FHIT: variants seen among roughly 807,000 people sequenced by gnomAD.
FHIT encodes fragile histidine triad diadenosine triphosphatase.
A neutral mutation model predicts 17.9 loss-of-function variants in FHIT; 19 were observed. That is an observed-to-expected ratio of 1.06 (90% CI 0.74 to 1.56). The LOEUF (loss-of-function observed/expected upper bound fraction) is 1.56. FHIT is among the 40% of genes most tolerant of loss of function. The probability of loss-of-function intolerance (pLI) is 0.00; values close to 1 mark genes in which losing one functional copy is unlikely to be tolerated. For synonymous variants in FHIT, 81 were observed against 69.7 expected, an observed-to-expected ratio of 1.16 and a Z score of -0.81; for missense variants, 248 against 189.2, an observed-to-expected ratio of 1.31 and a Z score of -1.82.
chr3:59,815,411 G>GA (rs977931063), intron 8 of FHIT, among the ~76,000 whole-genome samples: 9 of 151,778 alleles, frequency 5.9e-5, no homozygotes, highest in East Asian at 3.9e-4. Context: ...GTCATTATAT[G>GA]AAAAAAAATA....
chr3:60,032,422 A>T (rs1286932965), intron 5 of FHIT, among the ~76,000 whole-genome samples: 1 of 151,914 alleles, frequency 6.6e-6, no homozygotes, highest in Admixed American at 6.6e-5. Flanking sequence ...ACTGCACTCC[A>T]GCCTAGGTGA....
intron 4 of FHIT, among the ~76,000 whole-genome samples, chr3:60,669,476 G>C (rs1180880678): frequency 5.9e-5 from 9 of 152,194 alleles, no homozygotes; most frequent in African/African-American, 2.2e-4. Flanking sequence ...CCCGCTTCTA[G>C]CTTAAAACCT....
chr3:60,493,272 T>C (rs1433852865), intron 5 of FHIT, among the ~76,000 whole-genome samples: 1 of 152,186 alleles, frequency 6.6e-6, no homozygotes, highest in Non-Finnish European at 1.5e-5. Context: ...CTTTCAACAA[T>C]GCTTAAATCT....
chr3:60,722,471 T>C (rs2041827982), intron 4 of FHIT, among the ~76,000 whole-genome samples: 1 of 152,180 alleles, frequency 6.6e-6, no homozygotes, highest in South Asian at 2.1e-4. Flanking sequence ...GCACTATAAA[T>C]ATTCTCTAAG....
intron 7 of FHIT, among the ~76,000 whole-genome samples, chr3:59,946,836 T>C (rs1165804977): frequency 1.3e-5 from 2 of 152,162 alleles, no homozygotes; most frequent in Admixed American, 6.5e-5. Context: ...ATATATTGAG[T>C]CAACCTTGCA....
chr3:60,081,766 A>G (rs765230937), intron 5 of FHIT, among the ~76,000 whole-genome samples: 2 of 152,104 alleles, frequency 1.3e-5, no homozygotes, highest in Non-Finnish European at 2.9e-5. Context: ...AGAGATATAT[A>G]CAGGACCCTA....
chr3:60,661,410 T>C (rs1182102044), intron 4 of FHIT, among the ~76,000 whole-genome samples: 3 of 152,228 alleles, frequency 2.0e-5, no homozygotes, highest in Non-Finnish European at 2.9e-5. Context: ...TGAATAGTAT[T>C]CCATGGTATA....
chr3:60,793,367 A>G (rs1344090392), intron 4 of FHIT, among the ~76,000 whole-genome samples: 3 of 151,734 alleles, frequency 2.0e-5, no homozygotes, highest in African/African-American at 4.8e-5. Context: ...AGTGGGCAAG[A>G]TCTCAGCTCA....
At chr3:60,892,491 AGT>A (rs1189789658) in intron 3 of FHIT, among the ~76,000 whole-genome samples, 1 of 152,102 alleles carries the variant, frequency 6.6e-6, no homozygotes, top group African/African-American at 2.4e-5. Flanking sequence ...TGTATATTAG[AGT>A]GTATATTAGA....
At chr3:59,764,670 T>G (rs1683343) in intron 8 of FHIT, among the ~76,000 whole-genome samples, 150,386 of 152,254 alleles carry the variant, frequency 0.99, 74,298 homozygotes, top group Middle Eastern at 1. Context: ...CTTGAATGCA[T>G]CTGAAACGCT....
At chr3:60,129,053 GTTTTT>G in intron 5 of FHIT, among the ~76,000 whole-genome samples, 1 of 123,482 alleles carries the variant, frequency 8.1e-6, no homozygotes, top group Non-Finnish European at 1.6e-5. Context: ...TTTTTTGTTT[GTTTTT>G]TTTTTTTTTT....
At chr3:60,061,296 G>T (rs1439889488) in intron 5 of FHIT, among the ~76,000 whole-genome samples, 1 of 152,162 alleles carries the variant, frequency 6.6e-6, no homozygotes, top group Non-Finnish European at 1.5e-5. Context: ...GAATGTGATG[G>T]CCCGAGGCCC....
chr3:60,174,110 C>A (rs188519830), intron 5 of FHIT, among the ~76,000 whole-genome samples: 1 of 151,104 alleles, frequency 6.6e-6, no homozygotes, highest in Admixed American at 6.6e-5. Flanking sequence ...GACAGTTTCA[C>A]CATGTTGGCC....
intron 3 of FHIT, among the ~76,000 whole-genome samples, chr3:61,041,030 G>A (rs1575892589): frequency 6.6e-6 from 1 of 152,072 alleles, no homozygotes; most frequent in Non-Finnish European, 1.5e-5. Context: ...TTGGACACTG[G>A]ATGTCTCAAC....
intron 5 of FHIT, among the ~76,000 whole-genome samples, chr3:60,296,882 G>C (rs1023954461): frequency 6.9e-6 from 1 of 144,910 alleles, no homozygotes; most frequent in Non-Finnish European, 1.5e-5. Flanking sequence ...TTGTTGAAAA[G>C]TCTATTCTTT....
At chr3:60,124,211 C>A (rs1227060374) in intron 5 of FHIT, among the ~76,000 whole-genome samples, 1 of 150,926 alleles carries the variant, frequency 6.6e-6, no homozygotes, top group African/African-American at 2.4e-5. Flanking sequence ...AACCACTGCA[C>A]CTGGCCTACA....
At chr3:60,202,479 A>G (rs1159469946) in intron 5 of FHIT, among the ~76,000 whole-genome samples, 1 of 152,206 alleles carries the variant, frequency 6.6e-6, no homozygotes, top group Non-Finnish European at 1.5e-5. Context: ...GTGTGTGGTC[A>G]GGCACTAGTT....
At chr3:60,621,144 A>ATTTTTTTTTTTTTTTTTTT (rs11370683) in intron 4 of FHIT, among the ~76,000 whole-genome samples, 1 of 95,090 alleles carries the variant, frequency 1.1e-5, no homozygotes, top group African/African-American at 4.6e-5. Flanking sequence ...TCTACTTTTG[A>ATTTTTTTTTTTTTTTTTTT]TTTTTTTTTT....
chr3:60,272,881 G>A (rs149554075), intron 5 of FHIT, among the ~76,000 whole-genome samples: 1 of 152,186 alleles, frequency 6.6e-6, no homozygotes, highest in Non-Finnish European at 1.5e-5. Flanking sequence ...AAAAGCAAGT[G>A]ACTGGCAATG....
Sources: gnomAD v4.1 joint callset for allele counts (sites outside exome capture counted in the v4.1 genomes callset) on GRCh38, gnomAD v4.1.1 for gene constraint, MANE v1.5 for transcripts, NCBI Gene and HGNC (gene_info 2026-07-23, HGNC 2026-07-21) for gene names.